Variants in DACH2 observed in about 807,000 individuals in gnomAD.
DACH2 encodes dachshund family transcription factor 2.
Under a neutral mutation model 35.8 loss-of-function variants are expected in DACH2, and 17 were observed. The ratio of observed to expected loss-of-function variants is 0.48; its 90% CI spans 0.33 to 0.71. The LOEUF is 0.71. DACH2 is among the 30% of genes least tolerant of loss of function. The pLI, the probability that DACH2 is intolerant of heterozygous loss-of-function variation, is 0.02. For synonymous variants in DACH2, 195 were observed against 177.3 expected (o/e 1.10, Z -0.79); for missense variants, 469 against 472.7 (o/e 0.99, Z 0.07).
chrX:86,657,946 G>C (rs1475320848), intron 4 of DACH2, among the ~76,000 whole-genome samples: 1 of 110,951 alleles, frequency 9.0e-6, no homozygotes, highest in African/African-American at 3.3e-5. Context: ...TTTTATTCTA[G>C]CCCCCCATTA....
intron 1 of DACH2, among the ~76,000 whole-genome samples, chrX:86,349,699 T>C (rs1047284781): frequency 2.7e-5 from 3 of 112,585 alleles, no homozygotes; most frequent in African/African-American, 9.7e-5. Context: ...AATACTCTTA[T>C]ACATCAAATT....
At chrX:86,494,556 G>A (rs1182713594) in intron 2 of DACH2, among the ~76,000 whole-genome samples, 7 of 112,664 alleles carry the variant, frequency 6.2e-5, no homozygotes, top group East Asian at 2.8e-4. Flanking sequence ...GTGAATGAGC[G>A]CAATGAGCAA....
chrX:86,429,033 C>T (rs571460205), intron 2 of DACH2, among the ~76,000 whole-genome samples: 3 of 110,985 alleles, frequency 2.7e-5, no homozygotes, highest in Admixed American at 9.6e-5. Flanking sequence ...CATTAATTCA[C>T]GACCAGATCT....
intron 2 of DACH2, among the ~76,000 whole-genome samples, chrX:86,470,089 G>C (rs1347763592): frequency 1.0e-5 from 1 of 95,494 alleles, no homozygotes; most frequent in Non-Finnish European, 1.9e-5. Flanking sequence ...TTGAAACAGA[G>C]TTCTGGACAG....
chrX:86,242,090 A>G (rs754095139), intron 1 of DACH2, among the ~76,000 whole-genome samples: 183 of 112,851 alleles, frequency 1.6e-3, no homozygotes, highest in African/African-American at 3.1e-3. Flanking sequence ...AGAGTCCCCA[A>G]TGGGGCACTG....
intron 1 of DACH2, among the ~76,000 whole-genome samples, chrX:86,162,132 G>T (rs1347624105): frequency 1.8e-5 from 2 of 109,340 alleles, no homozygotes; most frequent in African/African-American, 6.7e-5. Context: ...GTTTTTAAAT[G>T]TAAATAAAAT....
intron 2 of DACH2, among the ~76,000 whole-genome samples, chrX:86,499,755 C>T (rs2038223709): frequency 1.8e-5 from 2 of 111,699 alleles, no homozygotes; most frequent in Admixed American, 1.9e-4. Flanking sequence ...TATCTTCAAT[C>T]ACATAAAAAA....
chrX:86,504,783 A>T (rs2038300171), intron 2 of DACH2, among the ~76,000 whole-genome samples: 1 of 111,341 alleles, frequency 9.0e-6, no homozygotes, highest in African/African-American at 3.3e-5. Flanking sequence ...TCTATTTCCC[A>T]GTCACCTGCT....
chrX:86,410,320 GT>G (rs1267389400), intron 2 of DACH2, among the ~76,000 whole-genome samples: 1 of 112,036 alleles, frequency 8.9e-6, no homozygotes, highest in African/African-American at 3.2e-5. Context: ...ACACTAAACT[GT>G]TTTGCCATGA....
At chrX:86,394,434 A>G (rs2036250385) in intron 2 of DACH2, among the ~76,000 whole-genome samples, 2 of 111,706 alleles carry the variant, frequency 1.8e-5, no homozygotes, top group South Asian at 7.4e-4. Flanking sequence ...AGAACAAAAT[A>G]TCATTTTAAA....
intron 2 of DACH2, among the ~76,000 whole-genome samples, chrX:86,397,652 G>A (rs2036325680): frequency 8.9e-6 from 1 of 111,937 alleles, no homozygotes; most frequent in Non-Finnish European, 1.9e-5. Flanking sequence ...AGGTAATCAT[G>A]TGGTTTTTGT....
chrX:86,295,535 T>C (rs1021102472), intron 1 of DACH2, among the ~76,000 whole-genome samples: 12 of 111,649 alleles, frequency 1.1e-4, no homozygotes, highest in African/African-American at 3.9e-4. Flanking sequence ...TTCAAGTTTA[T>C]TTGCGGCCCC....
At chrX:86,738,601 G>T (rs2041621639) in intron 6 of DACH2, among the ~76,000 whole-genome samples, 1 of 111,304 alleles carries the variant, frequency 9.0e-6, no homozygotes, top group Non-Finnish European at 1.9e-5. Flanking sequence ...CCTGCAATTT[G>T]GTTCTTTTAT....
chrX:86,399,132 G>A (rs921607639), intron 2 of DACH2, among the ~76,000 whole-genome samples: 1 of 111,942 alleles, frequency 8.9e-6, no homozygotes, highest in African/African-American at 3.3e-5. Context: ...GTACCATTAT[G>A]TAATGCCCTT....
intron 1 of DACH2, among the ~76,000 whole-genome samples, chrX:86,311,721 T>C (rs2034804201): frequency 9.0e-6 from 1 of 111,348 alleles, no homozygotes; most frequent in African/African-American, 3.3e-5. Flanking sequence ...ACAATTCCAT[T>C]GAACTGAAAG....
At chrX:86,236,141 A>T (rs772528924) in intron 1 of DACH2, among the ~76,000 whole-genome samples, 22 of 111,578 alleles carry the variant, frequency 2.0e-4, no homozygotes, top group Middle Eastern at 4.6e-3. Flanking sequence ...CAAAAAAAAA[A>T]ATATAGATAA....
intron 1 of DACH2, among the ~76,000 whole-genome samples, chrX:86,227,200 T>C (rs1315186513): frequency 8.9e-6 from 1 of 111,735 alleles, no homozygotes; most frequent in African/African-American, 3.2e-5. Flanking sequence ...AAACGGGTTT[T>C]ATGATGTGTA....
chrX:86,584,466 C>G (rs1333715586), intron 3 of DACH2, among the ~76,000 whole-genome samples: 2 of 110,588 alleles, frequency 1.8e-5, no homozygotes, highest in Non-Finnish European at 3.8e-5. Flanking sequence ...TCTGCTTATT[C>G]TCTTAATATG....
chrX:86,279,892 A>T (rs1328647374), intron 1 of DACH2, among the ~76,000 whole-genome samples: 2 of 108,608 alleles, frequency 1.8e-5, no homozygotes, highest in African/African-American at 6.7e-5. Flanking sequence ...CAATAGCTGA[A>T]TTGATCAAGC....
Sources: gnomAD v4.1 joint callset for allele counts (sites outside exome capture counted in the v4.1 genomes callset) on GRCh38, gnomAD v4.1.1 for gene constraint, MANE v1.5 for transcripts, NCBI Gene and HGNC (gene_info 2026-07-23, HGNC 2026-07-21) for gene names.